C19orf47: variants seen among roughly 807,000 people sequenced by gnomAD.
C19orf47 encodes the protein uncharacterized protein C19orf47.
C19orf47 carries 18 observed loss-of-function variants against 32.3 expected under a neutral mutation model. The ratio of observed to expected loss-of-function variants is 0.56; its 90% CI spans 0.39 to 0.83. C19orf47 has a LOEUF of 0.83. C19orf47 is among the 40% of genes least tolerant of loss of function. The pLI is 0.00. For missense variants in C19orf47, 484 were observed against 531.6 expected (o/e 0.91, Z 0.88); for synonymous variants, 202 against 211.1 (o/e 0.96, Z 0.37).
intron 7 of C19orf47, among the ~76,000 whole-genome samples, chr19:40,325,998 G>A (rs914314942): frequency 2.6e-5 from 4 of 152,170 alleles, no homozygotes; most frequent in East Asian, 1.9e-4. Flanking sequence ...ATCTCCACTC[G>A]TCTCCTCTGG....
chr19:40,294,378 G>A, the C19orf47 span, among the ~76,000 whole-genome samples: 2 of 152,172 alleles, frequency 1.3e-5, no homozygotes, highest in South Asian at 4.1e-4. Flanking sequence ...AGGAGAAAAT[G>A]TGTGCGAACT....
rs981986947 is a variant in C19orf47, at chr19:40,336,538, A to C, written c.20-131T>G. ...CCAGGCCCTGCATGGAGTGCTCCAC[A>C]CACACATGATGGAACTGAGCCTTCC... On this transcript the variant is annotated intron_variant, in intron 2 of 8. Coordinates refer to ENST00000683109, the MANE Select transcript of C19orf47 (RefSeq NM_001256441.2). 7.8e-6 allele frequency: 6 copies of C among 771,136 alleles called. No homozygotes were observed. The African/African-American group carries it at 1.0e-4, about 13-fold the overall frequency. 47.8% of individuals were successfully genotyped at this position (771,136 alleles called of 1,614,324 possible). A position where few individuals can be genotyped will look rare whatever the true frequency, so the allele number is the denominator to read the frequency against.
At chr19:40,335,058 G>A (rs1568618633) in intron 4 of C19orf47, among the ~76,000 whole-genome samples, 1 of 126,670 alleles carries the variant, frequency 7.9e-6, no homozygotes, top group Non-Finnish European at 1.7e-5. Context: ...GGGAGGGAGG[G>A]AGGAAGGGAG....
chr19:40,300,249 G>A, the C19orf47 span, among the ~76,000 whole-genome samples: 30 of 151,944 alleles, frequency 2.0e-4, no homozygotes, highest in African/African-American at 6.3e-4. Flanking sequence ...GGTGGATCAC[G>A]AGGTCAGGAG....
chr19:40,336,772 T>TA (rs1415729678), intron 2 of C19orf47, among the ~76,000 whole-genome samples: 1 of 152,110 alleles, frequency 6.6e-6, no homozygotes, highest in Admixed American at 6.6e-5. Flanking sequence ...CATGACTGAT[T>TA]TAGGGTAACT....
the C19orf47 span, among the ~76,000 whole-genome samples, chr19:40,309,217 A>T: frequency 6.9e-6 from 1 of 145,660 alleles, no homozygotes; most frequent in African/African-American, 2.6e-5. Flanking sequence ...TTTGAGACAC[A>T]GTCTCACTCT....
chr19:40,305,310 T>C, the C19orf47 span, among the ~76,000 whole-genome samples: 1 of 149,442 alleles, frequency 6.7e-6, no homozygotes, highest in South Asian at 2.1e-4. Context: ...GCCACTGTAC[T>C]CCAGCCTGGG....
intron 2 of C19orf47, among the ~76,000 whole-genome samples, chr19:40,337,017 A>G (rs984962333): frequency 2.0e-5 from 3 of 152,186 alleles, no homozygotes; most frequent in South Asian, 4.1e-4. Context: ...GACTTTGGGT[A>G]AGTTAACTCT....
the C19orf47 span, among the ~76,000 whole-genome samples, chr19:40,297,619 G>C: frequency 6.8e-6 from 1 of 146,820 alleles, no homozygotes; most frequent in Admixed American, 6.9e-5. Context: ...AGAATTGCTT[G>C]AACCCAGGAA....
intron 1 of C19orf47, among the ~76,000 whole-genome samples, chr19:40,346,486 T>TAATA (rs2078286475): frequency 9.1e-6 from 1 of 110,478 alleles, no homozygotes; most frequent in Admixed American, 9.6e-5. Context: ...AATAAATAAA[T>TAATA]AATAAAAATA....
chr19:40,322,296 G>A lies in C19orf47; in HGVS notation c.744C>T (p.Ser248=), dbSNP rs11880982. 8.3e-5 allele frequency: 133 copies of A among 1,608,736 alleles called. No individual in the cohort carries two copies. In the African/African-American group the frequency reaches 1.6e-3, roughly 19 times the overall value. ...CCCCGGCATACTGCAAGACAGAGCTGCTGCTGTCATTGTCGCTGTCCCAAG... is the reference window on the plus strand; with the variant it reads ...CCCCGGCATACTGCAAGACAGAGCTACTGCTGTCATTGTCGCTGTCCCAAG... The part of the protein sequence containing the change: ...DLAWDSDNDS[S]SSVLQYAGVL... The change falls in exon 9 of 9, where the codon AGC becomes AGT. Residue 248 remains serine, a synonymous_variant. Coordinates refer to ENST00000683109, the MANE Select transcript of C19orf47 (RefSeq NM_001256441.2).
chr19:40,331,012 C>T (rs1292781359), intron 5 of C19orf47, among the ~76,000 whole-genome samples: 2 of 152,150 alleles, frequency 1.3e-5, no homozygotes, highest in Admixed American at 6.5e-5. Flanking sequence ...GTGAATGGCA[C>T]CCCACTGTAA....
intron 5 of C19orf47, 30 bp downstream of exon 5, chr19:40,333,821 G>C (rs1464972206): frequency 6.6e-7 from 1 of 1,506,040 alleles, no homozygotes; most frequent in East Asian, 2.5e-5. Flanking sequence ...TAAAAATCAA[G>C]GAAAAGAGGC....
the C19orf47 span, among the ~76,000 whole-genome samples, chr19:40,298,013 T>C: frequency 6.6e-6 from 1 of 151,132 alleles, no homozygotes; most frequent in South Asian, 2.1e-4. Flanking sequence ...ACACTCCAGC[T>C]TGGGTGACAG....
intron 7 of C19orf47, chr19:40,324,352 G>A: frequency 4.0e-6 from 2 of 503,170 alleles, no homozygotes; most frequent in South Asian, 5.5e-5. Flanking sequence ...AGAGTTCTTA[G>A]TGCCTGCATG....
At chr19:40,299,718 T>G in the C19orf47 span, 33 of 152,176 alleles carry the variant, frequency 2.2e-4, 1 homozygote, top group African/African-American at 8.0e-4. Context: ...AAAGATGTGT[T>G]TCTCACCTCG....
chr19:40,338,466 A>C (rs1600208822), intron 2 of C19orf47, among the ~76,000 whole-genome samples: 2 of 151,532 alleles, frequency 1.3e-5, no homozygotes, highest in East Asian at 3.9e-4. Flanking sequence ...GCTGACTGCA[A>C]CCTCCACCTC....
At chr19:40,327,233 T>C in intron 6 of C19orf47, among the ~76,000 whole-genome samples, 1 of 151,860 alleles carries the variant, frequency 6.6e-6, no homozygotes. Context: ...AGGCTGCTCT[T>C]GAACTCCTGA....
downstream of C19orf47, among the ~76,000 whole-genome samples, chr19:40,318,797 T>G (rs927536505): frequency 2.0e-5 from 3 of 152,034 alleles, no homozygotes; most frequent in Admixed American, 2.0e-4. Flanking sequence ...AGTCCGGCCC[T>G]TCACACCCCA....
Sources: allele counts gnomAD v4.1 joint callset (sites outside exome capture counted in the v4.1 genomes callset), GRCh38; gene constraint gnomAD v4.1.1; transcripts MANE v1.5; gene names NCBI Gene and HGNC (gene_info 2026-07-23, HGNC 2026-07-21).